The following EXOC5 variants were observed in gnomAD, a reference collection of about 807,000 sequenced individuals.
EXOC5 encodes SEC10-like 1.
A neutral mutation model predicts 90.8 loss-of-function variants in EXOC5; 17 were observed. The observed-to-expected ratio is 0.19, with a 90% CI of 0.13 to 0.28. The LOEUF (loss-of-function observed/expected upper bound fraction) is 0.28. Among genes scored for constraint, EXOC5 ranks in the 10% least tolerant of loss-of-function variants. The pLI is 1.00. For missense variants in EXOC5, 569 were observed against 830.6 expected (o/e 0.69, Z 3.87); for synonymous variants, 260 against 270.0 (o/e 0.96, Z 0.36).
Position 57,235,794 on chromosome 14 carries a change from G to T in EXOC5, c.586C>A (p.Leu196Met). The T allele has an allele frequency of 6.4e-7, 1 of 1,556,112 alleles. No homozygotes were observed. The highest frequency in any genetic ancestry group is 8.7e-7 in the Non-Finnish European group (1 of 1,146,716). Reference sequence around the variant, plus strand: ...TGAGCACTGGTAAACTCCTGAATCAGCTGGCATTCTAAATCATGGTATTTA... The same window carrying T: ...TGAGCACTGGTAAACTCCTGAATCATCTGGCATTCTAAATCATGGTATTTA... Reference protein sequence around the residue: ...ASKYHDLECQLIQEFTSAQRR... With the variant: ...ASKYHDLECQMIQEFTSAQRR... The change falls in exon 7 of 18, where the codon CTG becomes ATG. Residue 196 changes from leucine to methionine, a missense_variant. Leu to Met is a conservative substitution (Grantham distance 15). This residue lies in a region of EXOC5 where 97 missense variants were observed against 177.9 expected (regional missense o/e 0.55). Coordinates refer to ENST00000621441, the MANE Select transcript of EXOC5 (RefSeq NM_006544.4).
intron 15 of EXOC5, among the ~76,000 whole-genome samples, chr14:57,212,724 C>T (rs1375105499): frequency 1.3e-5 from 2 of 152,300 alleles, no homozygotes; most frequent in East Asian, 3.9e-4. Flanking sequence ...TCACAACAAA[C>T]CTTTAAAAAC....
At chr14:57,213,293 G>A (rs1462702114) in intron 15 of EXOC5, among the ~76,000 whole-genome samples, 1 of 152,076 alleles carries the variant, frequency 6.6e-6, no homozygotes, top group African/African-American at 2.4e-5. Context: ...GAGGTGGGAG[G>A]ACTGTGTGAA....
At chr14:57,256,988 T>A (rs759606087) in intron 1 of EXOC5, among the ~76,000 whole-genome samples, 43 of 152,194 alleles carry the variant, frequency 2.8e-4, no homozygotes, top group Non-Finnish European at 4.7e-4. Context: ...ATATTCTGCA[T>A]ACTAAACTGT....
chr14:57,258,656 C>T (rs192241683), intron 1 of EXOC5, among the ~76,000 whole-genome samples: 10 of 152,298 alleles, frequency 6.6e-5, no homozygotes, highest in Admixed American at 5.2e-4. Flanking sequence ...CGTAACAAAC[C>T]TGTACGTTAT....
In EXOC5 at chr14:57,200,588, T is replaced by C. The variant is rs1482035201; in HGVS notation, c.*8021A>G. 6.6e-6 allele frequency: 1 copy of C among 152,086 alleles called. No individual in the cohort carries two copies. Among genetic ancestry groups the C allele is most frequent in the Non-Finnish European group, 1.5e-5 (1 of 68,026 alleles). 9.4% of individuals were successfully genotyped at this position (152,086 alleles called of 1,614,324 possible). ...TGGTCAGGTTTCCATTCATACAGTT[T>C]CTCTGATGCACTCTTATTAAATAGC... is the stretch of plus-strand genomic sequence containing the variant. On this transcript the variant is annotated 3_prime_UTR_variant, in exon 18 of 18. Coordinates refer to ENST00000621441, the MANE Select transcript of EXOC5 (RefSeq NM_006544.4).
At position 57,201,051 on chromosome 14, in the gene EXOC5, G is replaced by A. The variant is rs1460701574; in HGVS notation, c.*7558C>T. The A allele has an allele frequency of 1.3e-5, 2 of 152,060 alleles. No homozygotes were observed. The highest frequency in any genetic ancestry group is 2.9e-5 in the Non-Finnish European group (2 of 68,038). The allele number at this position is 152,060 out of a possible 1,614,324, so 9.4% of individuals were successfully genotyped here. A position where few individuals can be genotyped will look rare whatever the true frequency, so the allele number is the denominator to read the frequency against. On this transcript the variant is annotated 3_prime_UTR_variant, in exon 18 of 18. Transcript: ENST00000621441. ...TTAAAATATGCGTGAGTGTGTGTGT[G>A]TGTATGCACACATAAAGCCCCCTAG...
rs1462943924 is a variant in EXOC5, at chr14:57,201,544, CAT to C, written c.*7063_*7064del. 2 of 133,328 alleles carry C rather than the reference CAT, an allele frequency of 1.5e-5. No individual in the cohort carries two copies. The highest frequency in any genetic ancestry group is 2.1e-4 in the East Asian group (1 of 4,670). 8.3% of individuals were successfully genotyped at this position (133,328 alleles called of 1,614,324 possible). ...TATATACACACACACCACACATATA[CAT>C]ATATTTTTATATATATTAATATTAT... On this transcript the variant is annotated 3_prime_UTR_variant, in exon 18 of 18. Transcript: ENST00000621441.
intron 5 of EXOC5, among the ~76,000 whole-genome samples, chr14:57,239,141 T>C (rs1234483230): frequency 6.6e-6 from 1 of 152,154 alleles, no homozygotes; most frequent in Non-Finnish European, 1.5e-5. Flanking sequence ...ATAATCTGTG[T>C]GTATCTTAAT....
chr14:57,223,762 T>C (rs910436348), intron 12 of EXOC5, among the ~76,000 whole-genome samples: 1 of 152,064 alleles, frequency 6.6e-6, no homozygotes, highest in Non-Finnish European at 1.5e-5. Context: ...CATCAGGATA[T>C]ATATTTTTTT....
At chr14:57,227,607 C>T (rs373762043) in intron 12 of EXOC5, among the ~76,000 whole-genome samples, 1 of 152,162 alleles carries the variant, frequency 6.6e-6, no homozygotes, top group African/African-American at 2.4e-5. Context: ...GCTCCACTTC[C>T]TTAACAACAC....
chr14:57,216,564 T>A (rs578107473), intron 15 of EXOC5, among the ~76,000 whole-genome samples: 1 of 152,144 alleles, frequency 6.6e-6, no homozygotes, highest in Admixed American at 6.6e-5. Flanking sequence ...CTATAAATGG[T>A]TCTGGAAAAC....
intron 12 of EXOC5, among the ~76,000 whole-genome samples, chr14:57,222,842 C>T (rs1010710902): frequency 6.6e-6 from 1 of 151,232 alleles, no homozygotes; most frequent in Non-Finnish European, 1.5e-5. Flanking sequence ...ATGTAAAATG[C>T]ATTTCTTACT....
rs1882609190 is a variant in EXOC5, at chr14:57,205,042, T to C, written c.*3567A>G. 1 of 151,986 alleles carries C rather than the reference T, an allele frequency of 6.6e-6. No homozygotes were observed. The highest frequency in any genetic ancestry group is 2.4e-5 in the African/African-American group (1 of 41,432). 9.4% of individuals were successfully genotyped at this position (151,986 alleles called of 1,614,324 possible). A position where few individuals can be genotyped will look rare whatever the true frequency, so the allele number is the denominator to read the frequency against. On this transcript the variant is annotated 3_prime_UTR_variant, in exon 18 of 18. Coordinates refer to ENST00000621441, the MANE Select transcript of EXOC5 (RefSeq NM_006544.4). ...AGCTGTAGACCTTGACTGGTCTACT[T>C]ATCTTTCTATGCATTAGGTTTTTCA... is the stretch of plus-strand genomic sequence containing the variant.
intron 12 of EXOC5, 145 bp downstream of exon 12, chr14:57,229,589 G>C: frequency 2.5e-6 from 1 of 403,958 alleles, no homozygotes; most frequent in Non-Finnish European, 4.4e-6. Context: ...ATGAGGATGT[G>C]CATAGAATAT....
chr14:57,219,223 G>T, intron 14 of EXOC5, 99 bp downstream of exon 14: 1 of 649,148 alleles, frequency 1.5e-6, no homozygotes, highest in Non-Finnish European at 2.3e-6. Flanking sequence ...CATTTTTTGT[G>T]AAAATGTACT....
At chr14:57,246,916 G>T in intron 2 of EXOC5, 58 bp from the exon 3 acceptor site, 1 of 1,002,702 alleles carries the variant, frequency 1.0e-6, no homozygotes, top group South Asian at 1.6e-5. Flanking sequence ...CTTAGGAACT[G>T]ACCAGTTAAC....
At chr14:57,235,899 T>TA (rs1446995504) in intron 6 of EXOC5, 79 bp from the exon 7 acceptor site, 4 of 719,874 alleles carry the variant, frequency 5.6e-6, no homozygotes, top group African/African-American at 5.3e-5. Flanking sequence ...TATTTACAAA[T>TA]ATAATGACTA....
At chr14:57,232,782 G>C (rs1012846946) in intron 9 of EXOC5, 33 bp from the exon 10 acceptor site, 1 of 1,001,534 alleles carries the variant, frequency 1.0e-6, no homozygotes, top group Non-Finnish European at 1.5e-6. Context: ...CTGTTAATTA[G>C]GTAAATATTA....
intron 1 of EXOC5, among the ~76,000 whole-genome samples, chr14:57,260,735 TATAA>T (rs1819641751): frequency 1.3e-5 from 2 of 152,218 alleles, no homozygotes; most frequent in East Asian, 1.9e-4. Flanking sequence ...ATCTCATTTT[TATAA>T]ATAAAGAAAC....
Sources: gnomAD v4.1 joint callset for allele counts (sites outside exome capture counted in the v4.1 genomes callset) on GRCh38, gnomAD v4.1.1 for gene constraint, gnomAD v4.1.1 regional missense constraint, MANE v1.5 for transcripts, NCBI Gene and HGNC (gene_info 2026-07-23, HGNC 2026-07-21) for gene names.